The following RALYL variants were observed in gnomAD, a reference collection of about 807,000 sequenced individuals.
The protein encoded by RALYL is RALY RNA binding protein like.
A neutral mutation model predicts 35.1 loss-of-function variants in RALYL; 29 were observed. The observed-to-expected ratio is 0.83, with a 90% confidence interval of 0.61 to 1.13. The LOEUF (loss-of-function observed/expected upper bound fraction) is 1.13. Ranked by LOEUF, RALYL falls within the 50% of genes most tolerant of loss-of-function variation. The pLI is 0.00. For missense variants in RALYL, 359 were observed against 360.4 expected, an observed-to-expected ratio of 1.00 and a Z score of 0.03; for synonymous variants, 120 against 127.6, an observed-to-expected ratio of 0.94 and a Z score of 0.40.
chr8:84,253,552 CT>C (rs1322704506), intron 1 of RALYL, among the ~76,000 whole-genome samples: 2 of 151,870 alleles, frequency 1.3e-5, no homozygotes, highest in African/African-American at 4.8e-5. Context: ...CTTTCCATGT[CT>C]GTTATTTGAA....
chr8:84,356,109 T>C (rs1465612240), intron 1 of RALYL, among the ~76,000 whole-genome samples: 1 of 150,192 alleles, frequency 6.7e-6, no homozygotes, highest in Admixed American at 6.6e-5. Context: ...TCTTCTGCCA[T>C]AACTGTAAGT....
At chr8:84,592,127 G>A (rs956327347) in intron 2 of RALYL, among the ~76,000 whole-genome samples, 1 of 152,022 alleles carries the variant, frequency 6.6e-6, no homozygotes, top group African/African-American at 2.4e-5. Context: ...GAAAAGCAAG[G>A]ACAATCTACA....
At chr8:84,625,103 A>G (rs1822440811) in intron 2 of RALYL, among the ~76,000 whole-genome samples, 1 of 152,186 alleles carries the variant, frequency 6.6e-6, no homozygotes, top group East Asian at 1.9e-4. Flanking sequence ...TACATGTAAA[A>G]TTATGTTGAA....
At chr8:84,698,125 C>T (rs1272926115) in intron 2 of RALYL, among the ~76,000 whole-genome samples, 1 of 152,124 alleles carries the variant, frequency 6.6e-6, no homozygotes, top group Non-Finnish European at 1.5e-5. Flanking sequence ...CACACTCCAG[C>T]TCTGCTTCTT....
intron 2 of RALYL, among the ~76,000 whole-genome samples, chr8:84,766,409 C>A (rs1813976360): frequency 1.3e-5 from 2 of 151,744 alleles, no homozygotes; most frequent in African/African-American, 4.8e-5. Context: ...AATAACATCT[C>A]CCAGCCAGGC....
chr8:84,255,171 G>A (rs1032673747), intron 1 of RALYL, among the ~76,000 whole-genome samples: 3 of 151,982 alleles, frequency 2.0e-5, no homozygotes, highest in African/African-American at 4.8e-5. Context: ...GTAAATATTT[G>A]CAGAATAATT....
intron 1 of RALYL, among the ~76,000 whole-genome samples, chr8:84,197,956 A>G (rs1188603605): frequency 1.3e-5 from 2 of 152,148 alleles, no homozygotes; most frequent in African/African-American, 4.8e-5. Context: ...CCTAGACAGT[A>G]CCTGGCACAC....
chr8:84,563,871 ATTATT>A (rs1344262342), intron 2 of RALYL, among the ~76,000 whole-genome samples: 1 of 151,798 alleles, frequency 6.6e-6, no homozygotes, highest in Non-Finnish European at 1.5e-5. Context: ...TTTAAGGAAC[ATTATT>A]TTAACAATAT....
intron 2 of RALYL, among the ~76,000 whole-genome samples, chr8:84,731,418 CAG>C (rs1846156465): frequency 1.3e-5 from 2 of 152,122 alleles, no homozygotes; most frequent in Admixed American, 6.6e-5. Flanking sequence ...TTTTGGGGTA[CAG>C]AGAGGCAGCA....
At chr8:84,615,453 C>T (rs1207413731) in intron 2 of RALYL, among the ~76,000 whole-genome samples, 1 of 145,534 alleles carries the variant, frequency 6.9e-6, no homozygotes. Context: ...ATGACACCTG[C>T]TTAAATGCTC....
Position 84,183,666 on chromosome 8 carries a change from C to G in RALYL, c.-782C>G, listed in dbSNP as rs1172001828. On this transcript the variant is annotated 5_prime_UTR_variant, in exon 1 of 9. Coordinates refer to ENST00000521268, the MANE Select transcript of RALYL (RefSeq NM_173848.7). The stretch of plus-strand genomic sequence containing the variant: ...TGTTTTTTTTGTTTTTGTTTTTTTT[C>G]TTTTTTTCCACTTCTTTGATTATTG... 2 of 142,022 alleles carry G rather than the reference C, an allele frequency of 1.4e-5. No homozygotes were observed. The highest frequency in any genetic ancestry group is 3.1e-5 in the Non-Finnish European group (2 of 64,530). The allele number at this position is 142,022 out of a possible 1,614,324, so 8.8% of individuals were successfully genotyped here.
At chr8:84,771,027 G>T (rs1815350216) in intron 2 of RALYL, among the ~76,000 whole-genome samples, 1 of 151,910 alleles carries the variant, frequency 6.6e-6, no homozygotes, top group Admixed American at 6.6e-5. Context: ...TTCTTTTGCT[G>T]CACAGAAGCT....
At position 84,551,722 on chromosome 8, in the gene RALYL, G is replaced by C. The variant is rs1401668463; in HGVS notation, c.256+22145G>C. 8.5e-5 allele frequency among the ~76,000 whole-genome samples: 13 copies of C among 152,088 alleles called. 1 individual carries two copies. Among genetic ancestry groups the C allele is most frequent in the Admixed American group, 8.5e-4 (13 of 15,258 alleles). On this transcript the variant is annotated intron_variant, in intron 2 of 8. Transcript: ENST00000521268. ...TCTAGAAAGATAGTGGGAATACACT[G>C]GGGGCAGAGAGCCACGTATAATTTA...
At chr8:84,617,917 C>A (rs1368408036) in intron 2 of RALYL, among the ~76,000 whole-genome samples, 1 of 151,810 alleles carries the variant, frequency 6.6e-6, no homozygotes, top group Non-Finnish European at 1.5e-5. Flanking sequence ...GTATATTGAA[C>A]CAGCCTTGCA....
intron 2 of RALYL, chr8:84,679,697 G>T: frequency 3.9e-6 from 2 of 512,664 alleles, no homozygotes; most frequent in Admixed American, 4.1e-5. Context: ...TCATCAGTTG[G>T]ATGGCTTTGA....
At position 84,477,950 on chromosome 8, in the gene RALYL, T is replaced by G. The variant is rs535480017; in HGVS notation, c.-23-51349T>G. ...TTTTTTAATAGATAAGAAATAGTTTTCATTAATTTTTAATGTCCCTAACCA... is the reference window on the plus strand; with the variant it reads ...TTTTTTAATAGATAAGAAATAGTTTGCATTAATTTTTAATGTCCCTAACCA... On this transcript the variant is annotated intron_variant, in intron 1 of 8. Coordinates refer to ENST00000521268, the MANE Select transcript of RALYL (RefSeq NM_173848.7). Among the ~76,000 whole-genome samples the G allele has an allele frequency of 1.4e-4, 21 of 152,216 alleles. 2 individuals are homozygous for G. In the South Asian group the frequency reaches 4.1e-3, roughly 30 times the overall value.
At chr8:84,410,507 C>T (rs922112873) in intron 1 of RALYL, among the ~76,000 whole-genome samples, 1 of 151,832 alleles carries the variant, frequency 6.6e-6, no homozygotes, top group African/African-American at 2.4e-5. Flanking sequence ...TTAAAAAAAT[C>T]CCTCTTTTCT....
rs2058766953 is a variant in RALYL at position 84,525,031 on chromosome 8, C to T, written c.-23-4268C>T. Among the ~76,000 whole-genome samples the T allele has an allele frequency of 1.3e-5, 2 of 150,148 alleles. 1 individual carries two copies. The highest frequency in any genetic ancestry group is 4.3e-4 in the South Asian group (2 of 4,636). ...GTAGAGCAATTCATTAAAATACGGC[C>T]TCAATTTTAACTAAGTAAAATTAAA... On this transcript the variant is annotated intron_variant, in intron 1 of 8. Transcript: ENST00000521268.
chr8:84,396,864 A>G (rs73300793), intron 1 of RALYL, among the ~76,000 whole-genome samples: 4,299 of 152,218 alleles, frequency 0.028, 198 homozygotes, highest in African/African-American at 0.098. Context: ...TAATATGTAA[A>G]TATTCTTCTA....
Sources: allele counts gnomAD v4.1 joint callset (sites outside exome capture counted in the v4.1 genomes callset), GRCh38; gene constraint gnomAD v4.1.1; transcripts MANE v1.5; gene names NCBI Gene and HGNC (gene_info 2026-07-23, HGNC 2026-07-21).